The following PCDHGC4 variants were observed in gnomAD, a reference collection of about 807,000 sequenced individuals.
PCDHGC4 encodes the protein protocadherin gamma subfamily C, 4, also known as protocadherin gamma-C4.
PCDHGC4 carries 15 observed loss-of-function variants against 59.7 expected under a neutral mutation model. The ratio of observed to expected loss-of-function variants is 0.25; its 90% CI spans 0.17 to 0.39. PCDHGC4 has a LOEUF of 0.39. Among genes scored for constraint, PCDHGC4 ranks in the 10% least tolerant of loss-of-function variants. The pLI, the probability that PCDHGC4 is intolerant of heterozygous loss-of-function variation, is 1.00. For missense variants in PCDHGC4, 1,016 were observed against 1,189.5 expected (o/e 0.85, Z 2.15); for synonymous variants, 434 against 481.4 (o/e 0.90, Z 1.29).
Position 141,489,111 on chromosome 5 carries a change from C to T in PCDHGC4, c.2442+1496C>T. The T allele has an allele frequency of 1.9e-6, 1 of 518,040 alleles. No individual in the cohort carries two copies. Among genetic ancestry groups the T allele is most frequent in the African/African-American group, 1.9e-5 (1 of 51,336 alleles). The allele number at this position is 518,040 out of a possible 1,614,324, so 32.1% of individuals were successfully genotyped here. ...GTGACTAAGAACTGCTGCAAGCAGG[C>T]AAACCTCCGAGCAGTTTTTAAGAGG... On this transcript the variant is annotated intron_variant, in intron 1 of 3. Transcript: ENST00000306593. This position sits in a 1 kb window ranked among gnomAD's most constrained non-coding sequence, Gnocchi z 4.5.
chr5:141,501,897 C>T (rs796164763), intron 2 of PCDHGC4, among the ~76,000 whole-genome samples: 17 of 152,230 alleles, frequency 1.1e-4, no homozygotes, highest in African/African-American at 3.4e-4. Flanking sequence ...ATCATGGTTC[C>T]AACCCCACTG....
At position 141,489,185 on chromosome 5, in the gene PCDHGC4, T is replaced by TCTA; in HGVS notation, c.2442+1572_2442+1574dup. Reference sequence around the variant, plus strand: ...CAGCTGCTGCATTCCAAGCCCTGGGTCTACCTTGGAGACAGGACAGCACAG... The same window carrying TCTA: ...CAGCTGCTGCATTCCAAGCCCTGGGTCTACTACCTTGGAGACAGGACAGCACAG... On this transcript the variant is annotated intron_variant, in intron 1 of 3. Coordinates refer to ENST00000306593, the MANE Select transcript of PCDHGC4 (RefSeq NM_018928.3). This position sits in a 1 kb window ranked among gnomAD's most constrained non-coding sequence, Gnocchi z 4.5. 7.8e-7 allele frequency: 1 copy of TCTA among 1,286,838 alleles called. No homozygotes were observed. The highest frequency in any genetic ancestry group is 1.5e-5 in the South Asian group (1 of 65,798). The allele number at this position is 1,286,838 out of a possible 1,614,324, so 79.7% of individuals were successfully genotyped here.
intron 3 of PCDHGC4, among the ~76,000 whole-genome samples, chr5:141,507,590 T>C (rs531629336): frequency 1.3e-5 from 2 of 152,374 alleles, no homozygotes; most frequent in African/African-American, 4.8e-5. Context: ...AGTTGGCCTC[T>C]TGAGGGAAAT....
chr5:141,487,813 TG>T lies in PCDHGC4; in HGVS notation c.2442+203del. 7.2e-7 allele frequency: 1 copy of T among 1,384,138 alleles called. No homozygotes were observed. 85.7% of individuals were successfully genotyped at this position (1,384,138 alleles called of 1,614,324 possible). A position where few individuals can be genotyped will look rare whatever the true frequency, so the allele number is the denominator to read the frequency against. On this transcript the variant is annotated intron_variant, in intron 1 of 3. Transcript: ENST00000306593. This position sits in a 1 kb window ranked among gnomAD's most constrained non-coding sequence, Gnocchi z 5.0. Reference sequence around the variant, plus strand: ...AACCAGAGTTGTCACAGTTTAGCATTGGGGGCGGGTCATGCCTATATCTGAG... The same window carrying T: ...AACCAGAGTTGTCACAGTTTAGCATTGGGGCGGGTCATGCCTATATCTGAG...
Position 141,486,793 on chromosome 5 carries a change from G to C in PCDHGC4, c.1620G>C (p.Arg540=). ...AGTTTGAGGTGCAGGCCCGGGATCG[G>C]GGCAACCCACCCCTTAGCAGCACTG... is the stretch of plus-strand genomic sequence containing the variant. ...TLQFEVQARD[R]GNPPLSSTVT... Residue 540 remains arginine, a synonymous_variant, in exon 1 of 4, where the codon CGG becomes CGC. Transcript: ENST00000306593. This position sits in a 1 kb window ranked among gnomAD's most constrained non-coding sequence, Gnocchi z 5.0. 6.2e-7 allele frequency: 1 copy of C among 1,614,244 alleles called. No homozygotes were observed. Among genetic ancestry groups the C allele is most frequent in the Non-Finnish European group, 8.5e-7 (1 of 1,180,050 alleles).
chr5:141,494,182 C>T (rs188628485), intron 1 of PCDHGC4, among the ~76,000 whole-genome samples: 132 of 152,244 alleles, frequency 8.7e-4, no homozygotes, highest in African/African-American at 3.1e-3. Flanking sequence ...AGAAGTGTCC[C>T]GGGACTTGGA....
In PCDHGC4 at chr5:141,490,296, G is replaced by T; in HGVS notation, c.2442+2681G>T. The stretch of plus-strand genomic sequence containing the variant: ...ATGACAATGCCCCAGAGGTGCTATT[G>T]GCCTCTTTGGCCAACCCTGTCCTAG... On this transcript the variant is annotated intron_variant, in intron 1 of 3. Coordinates refer to ENST00000306593, the MANE Select transcript of PCDHGC4 (RefSeq NM_018928.3). This position sits in a 1 kb window ranked among gnomAD's most constrained non-coding sequence, Gnocchi z 5.4. 6.2e-7 allele frequency: 1 copy of T among 1,614,184 alleles called. No homozygotes were observed. Among genetic ancestry groups the T allele is most frequent in the South Asian group, 1.1e-5 (1 of 91,084 alleles).
chr5:141,490,196 A>G lies in PCDHGC4; in HGVS notation c.2442+2581A>G, dbSNP rs748858034. On this transcript the variant is annotated intron_variant, in intron 1 of 3. Coordinates refer to ENST00000306593, the MANE Select transcript of PCDHGC4 (RefSeq NM_018928.3). The surrounding 1 kb of genome is among the most constrained non-coding windows in gnomAD (Gnocchi z 5.4). ...GAGGAGTCACGTTTCTATGAAATTCATGCAAGAGCCCGTGACCAGGGACAG... is the reference window on the plus strand; with the variant it reads ...GAGGAGTCACGTTTCTATGAAATTCGTGCAAGAGCCCGTGACCAGGGACAG... The G allele has an allele frequency of 3.7e-6, 6 of 1,614,196 alleles. No individual in the cohort carries two copies. The highest frequency in any genetic ancestry group is 4.2e-6 in the Non-Finnish European group (5 of 1,180,020).
At position 141,486,370 on chromosome 5, in the gene PCDHGC4, T is replaced by C. The variant is rs755925357; in HGVS notation, c.1197T>C (p.Ser399=). Reference sequence around the variant, plus strand: ...ACCACTTGCCATTTGCCCTCAAGTCTGCCTTCAGGAACCAGTTCTCCCTGG... The same window carrying C: ...ACCACTTGCCATTTGCCCTCAAGTCCGCCTTCAGGAACCAGTTCTCCCTGG... ...IPDHLPFALK[S]AFRNQFSLVT... is the part of the protein sequence containing the mutation. Residue 399 remains serine (S), a synonymous_variant, in exon 1 of 4, where the codon TCT becomes TCC. Coordinates refer to ENST00000306593, the MANE Select transcript of PCDHGC4 (RefSeq NM_018928.3). The surrounding 1 kb of genome is among the most constrained non-coding windows in gnomAD (Gnocchi z 5.0). 8 of 1,613,988 alleles carry C rather than the reference T, an allele frequency of 5.0e-6. No individual in the cohort carries two copies. The Admixed American group carries it at 1.3e-4, about 27-fold the overall frequency.
chr5:141,490,010 T>C lies in PCDHGC4; in HGVS notation c.2442+2395T>C, dbSNP rs749356078. On this transcript the variant is annotated intron_variant, in intron 1 of 3. Coordinates refer to ENST00000306593, the MANE Select transcript of PCDHGC4 (RefSeq NM_018928.3). The surrounding 1 kb of genome is among the most constrained non-coding windows in gnomAD (Gnocchi z 5.4). ...GTGGGAATCCCAGAGAATGCACCCA[T>C]TGGTACTCTGCTGCTCCGCCTCAAT... 11 of 1,614,198 alleles carry C rather than the reference T, an allele frequency of 6.8e-6. No homozygotes were observed. The highest frequency in any genetic ancestry group is 2.2e-5 in the South Asian group (2 of 91,082).
Position 141,487,552 on chromosome 5 carries a change from A to C in PCDHGC4, c.2379A>C (p.Ala793=). Residue 793 remains alanine (A), a synonymous_variant, in exon 1 of 4, where the codon GCA becomes GCC. Coordinates refer to ENST00000306593, the MANE Select transcript of PCDHGC4 (RefSeq NM_018928.3). The surrounding 1 kb of genome is among the most constrained non-coding windows in gnomAD (Gnocchi z 5.0). ...DSFMMVKSPS[A]PMAGEPVRPS... ...TCATGATGGTGAAGTCACCCAGTGC[A>C]CCTATGGCAGGGGAGCCTGTTCGCC... is the stretch of plus-strand genomic sequence containing the variant. 2 of 1,614,116 alleles carry C rather than the reference A, an allele frequency of 1.2e-6. No homozygotes were observed. The highest frequency in any genetic ancestry group is 1.7e-6 in the Non-Finnish European group (2 of 1,180,024).
In PCDHGC4 at chr5:141,491,759, G is replaced by A; in HGVS notation, c.2443-3048G>A. On this transcript the variant is annotated intron_variant, in intron 1 of 3. Coordinates refer to ENST00000306593, the MANE Select transcript of PCDHGC4 (RefSeq NM_018928.3). The surrounding 1 kb of genome is among the most constrained non-coding windows in gnomAD (Gnocchi z 6.9). ...GGGGGCGGCACTGGAGAAGCCGCCC[G>A]TCCTCATAAGGGATTGAACTTGCAT... 2 of 1,575,392 alleles carry A rather than the reference G, an allele frequency of 1.3e-6. No homozygotes were observed. The highest frequency in any genetic ancestry group is 1.9e-5 in the Admixed American group (1 of 52,640).
chr5:141,494,428 G>A (rs1476469017), intron 1 of PCDHGC4, among the ~76,000 whole-genome samples: 1 of 152,148 alleles, frequency 6.6e-6, no homozygotes, highest in African/African-American at 2.4e-5. Flanking sequence ...TCATTGAAAA[G>A]CCTCCTTTGC....
Position 141,485,182 on chromosome 5 carries a change from C to A in PCDHGC4, c.9C>A (p.Arg3=). 6.2e-7 allele frequency: 1 copy of A among 1,613,070 alleles called. No individual in the cohort carries two copies. The highest frequency in any genetic ancestry group is 8.5e-7 in the Non-Finnish European group (1 of 1,179,154). The change falls in exon 1 of 4, where the codon CGC becomes CGA. Residue 3 remains arginine (R), a synonymous_variant. Coordinates refer to ENST00000306593, the MANE Select transcript of PCDHGC4 (RefSeq NM_018928.3). This position sits in a 1 kb window ranked among gnomAD's most constrained non-coding sequence, Gnocchi z 5.7. ML[R]KVRSWTEIWR... is the part of the protein sequence containing the mutation. ...ATTAGCGGGCGGCAGCAATGCTCCG[C>A]AAGGTGAGAAGCTGGACAGAAATCT...
rs951029522 is a variant in PCDHGC4, at chr5:141,487,944, G to A, written c.2442+329G>A. 6.6e-6 allele frequency among the ~76,000 whole-genome samples: 1 copy of A among 152,164 alleles called. No homozygotes were observed. Among genetic ancestry groups the A allele is most frequent in the Admixed American group, 6.5e-5 (1 of 15,282 alleles). On this transcript the variant is annotated intron_variant, in intron 1 of 3. Transcript: ENST00000306593. The surrounding 1 kb of genome is among the most constrained non-coding windows in gnomAD (Gnocchi z 5.0). ...ACAGTGCACAGGGTACAGTGCACCA[G>A]GCAGTCACTTGGACAAAGGTGGCTG...
intron 3 of PCDHGC4, among the ~76,000 whole-genome samples, chr5:141,509,745 T>C (rs1456852988): frequency 6.6e-6 from 1 of 152,186 alleles, no homozygotes; most frequent in East Asian, 1.9e-4. Context: ...TCTGAGCCTG[T>C]GCCTAAAGTG....
At chr5:141,498,346 C>T (rs780832000) in intron 2 of PCDHGC4, among the ~76,000 whole-genome samples, 1 of 150,796 alleles carries the variant, frequency 6.6e-6, no homozygotes, top group Non-Finnish European at 1.5e-5. Context: ...ATGGGAAAAG[C>T]CTATGCAAAA....
At chr5:141,492,548 C>A (rs1028674110) in intron 1 of PCDHGC4, among the ~76,000 whole-genome samples, 1 of 152,218 alleles carries the variant, frequency 6.6e-6, no homozygotes, top group Non-Finnish European at 1.5e-5. Flanking sequence ...TGGGCCGGGT[C>A]GCCTGGGGGG....
chr5:141,498,251 C>A (rs1277949209), intron 2 of PCDHGC4, among the ~76,000 whole-genome samples: 1 of 152,178 alleles, frequency 6.6e-6, no homozygotes, highest in African/African-American at 2.4e-5. Flanking sequence ...CAAAGCAGGG[C>A]TGGTGTTGAG....
Sources: allele counts gnomAD v4.1 joint callset (sites outside exome capture counted in the v4.1 genomes callset), GRCh38; gene constraint gnomAD v4.1.1; non-coding constraint Gnocchi (gnomAD v3.1); transcripts MANE v1.5; gene names NCBI Gene and HGNC (gene_info 2026-07-23, HGNC 2026-07-21).